The following IFT43 variants were observed in gnomAD, a reference collection of about 807,000 sequenced individuals.
IFT43 encodes intraflagellar transport protein 43 homolog.
A neutral mutation model predicts 32.3 loss-of-function variants in IFT43; 33 were observed. That is an observed-to-expected ratio of 1.02 (90% CI 0.77 to 1.37). IFT43 has a LOEUF of 1.37. IFT43 is among the 40% of genes most tolerant of loss of function. The pLI is 0.00. For synonymous variants in IFT43, 93 were observed against 98.2 expected (o/e 0.95, Z 0.31); for missense variants, 274 against 265.9 (o/e 1.03, Z -0.21).
chr14:76,052,960 A>G (rs140409326), intron 3 of IFT43, among the ~76,000 whole-genome samples: 35 of 152,250 alleles, frequency 2.3e-4, no homozygotes, highest in African/African-American at 7.7e-4. Flanking sequence ...AAATGCCCGC[A>G]TGTCTCCATG....
In IFT43 at chr14:76,083,306, A is replaced by C. The variant is rs748047299; in HGVS notation, c.507+17A>C. On this transcript the variant is annotated intron_variant, in intron 8 of 8. Transcript: ENST00000314067. Reference sequence around the variant, plus strand: ...GTCCGGGAGGTACAGTGGTGGCAGCAATTCCCCGGTCTCTCAGCTCTGGCA... The same window carrying C: ...GTCCGGGAGGTACAGTGGTGGCAGCCATTCCCCGGTCTCTCAGCTCTGGCA... The C allele has an allele frequency of 1.2e-6, 2 of 1,611,760 alleles. No individual in the cohort carries two copies. Among genetic ancestry groups the C allele is most frequent in the South Asian group, 2.2e-5 (2 of 91,044 alleles).
chr14:76,030,002 T>A (rs1024268722), intron 3 of IFT43, among the ~76,000 whole-genome samples: 6 of 151,864 alleles, frequency 4.0e-5, no homozygotes, highest in African/African-American at 1.5e-4. Flanking sequence ...TGCTTCAGCC[T>A]CCCCAGTAGC....
intron 5 of IFT43, among the ~76,000 whole-genome samples, chr14:76,069,937 C>G (rs1191640199): frequency 6.6e-6 from 1 of 152,186 alleles, no homozygotes; most frequent in Non-Finnish European, 1.5e-5. Context: ...ACCTCAGAAC[C>G]TTAGGAATAA....
intron 1 of IFT43, 38 bp from the exon 2 acceptor site, chr14:75,988,847 A>C (rs1330342207): frequency 6.2e-7 from 1 of 1,613,182 alleles, no homozygotes. Context: ...GGCCCAAATG[A>C]CATTTGGGTC....
chr14:76,014,231 C>T (rs2036140427), intron 2 of IFT43: 2 of 184,044 alleles, frequency 1.1e-5, no homozygotes, highest in Admixed American at 1.1e-4. Flanking sequence ...CATGTGCTAC[C>T]ACCTGGCATT....
At chr14:76,082,862 A>C (rs1018552721) in intron 7 of IFT43, among the ~76,000 whole-genome samples, 170 bp downstream of exon 7, 26 of 152,132 alleles carry the variant, frequency 1.7e-4, no homozygotes, top group Admixed American at 6.5e-5. Context: ...ATCTCACAGC[A>C]ACCCTGGACC....
rs189520933 is a variant in IFT43, at chr14:76,049,915, A to G, written c.216-8727A>G. Reference sequence around the variant, plus strand: ...GATCAATGTCAGTGTATGTATTTATAGAGTTGACACCAGTAATACCAACTT... The same window carrying G: ...GATCAATGTCAGTGTATGTATTTATGGAGTTGACACCAGTAATACCAACTT... On this transcript the variant is annotated intron_variant, in intron 3 of 8. Coordinates refer to ENST00000314067, the MANE Select transcript of IFT43 (RefSeq NM_001102564.3). 2.8e-3 allele frequency among the ~76,000 whole-genome samples: 423 copies of G among 152,284 alleles called. 2 individuals are homozygous for G. The highest frequency in any genetic ancestry group is 0.014 in the Middle Eastern group (4 of 294).
chr14:76,027,248 A>G (rs1234518189), intron 3 of IFT43, among the ~76,000 whole-genome samples: 1 of 152,162 alleles, frequency 6.6e-6, no homozygotes, highest in African/African-American at 2.4e-5. Context: ...AATTAAAAAA[A>G]ACCAAAATAC....
intron 2 of IFT43, among the ~76,000 whole-genome samples, chr14:76,012,355 C>T (rs1235964002): frequency 6.6e-6 from 1 of 152,216 alleles, no homozygotes; most frequent in Non-Finnish European, 1.5e-5. Context: ...GCCCTAAAGA[C>T]TCCCTCTGAC....
intron 3 of IFT43, among the ~76,000 whole-genome samples, chr14:76,051,780 A>G (rs183115180): frequency 5.9e-5 from 9 of 152,294 alleles, no homozygotes; most frequent in Admixed American, 5.2e-4. Flanking sequence ...TTTGGCATCA[A>G]CGTAGTTGGT....
At position 76,083,683 on chromosome 14, in the gene IFT43, T is replaced by A; in HGVS notation, c.*106T>A. 9.3e-7 allele frequency: 1 copy of A among 1,076,622 alleles called. No homozygotes were observed. The highest frequency in any genetic ancestry group is 1.6e-5 in the African/African-American group (1 of 63,946). 66.7% of individuals were successfully genotyped at this position (1,076,622 alleles called of 1,614,324 possible). A position where few individuals can be genotyped will look rare whatever the true frequency, so the allele number is the denominator to read the frequency against. Reference sequence around the variant, plus strand: ...CCTGGAATATTTTGTAATAAAAATATTTATATTCAGTCAACCACATTGGAT... The same window carrying A: ...CCTGGAATATTTTGTAATAAAAATAATTATATTCAGTCAACCACATTGGAT... On this transcript the variant is annotated 3_prime_UTR_variant, in exon 9 of 9. Transcript: ENST00000314067.
At chr14:76,080,892 C>CTAAATG (rs1225515840) in intron 5 of IFT43, among the ~76,000 whole-genome samples, 1 of 152,208 alleles carries the variant, frequency 6.6e-6, no homozygotes, top group Non-Finnish European at 1.5e-5. Flanking sequence ...ATAAGACTTG[C>CTAAATG]TAAATGTGGT....
chr14:76,037,803 T>C (rs1222353577), intron 3 of IFT43, among the ~76,000 whole-genome samples: 1 of 152,164 alleles, frequency 6.6e-6, no homozygotes, highest in Non-Finnish European at 1.5e-5. Flanking sequence ...TATTTGTCTA[T>C]TTTGTTTGCA....
chr14:75,993,886 G>A (rs910527377), intron 2 of IFT43, among the ~76,000 whole-genome samples: 8 of 152,162 alleles, frequency 5.3e-5, no homozygotes, highest in Admixed American at 5.2e-4. Flanking sequence ...CAGGAAAACA[G>A]TAGCCAGAGT....
intron 3 of IFT43, among the ~76,000 whole-genome samples, chr14:76,028,173 G>T (rs755436739): frequency 9.2e-5 from 14 of 152,122 alleles, no homozygotes; most frequent in Non-Finnish European, 1.3e-4. Context: ...GGTCTAGGTG[G>T]TGACCACTAG....
At chr14:76,054,008 C>T (rs2036963804) in intron 3 of IFT43, among the ~76,000 whole-genome samples, 1 of 152,180 alleles carries the variant, frequency 6.6e-6, no homozygotes, top group South Asian at 2.1e-4. Context: ...TTCATTAATG[C>T]TTCCGTTAGA....
intron 5 of IFT43, among the ~76,000 whole-genome samples, chr14:76,062,333 G>T (rs189007211): frequency 1.3e-5 from 2 of 151,962 alleles, no homozygotes; most frequent in Non-Finnish European, 2.9e-5. Flanking sequence ...GCCTCCCAAA[G>T]TGCTGGGATT....
chr14:76,049,457 GTT>G (rs11326962), intron 3 of IFT43, among the ~76,000 whole-genome samples: 49,997 of 148,424 alleles, frequency 0.34, 8,394 homozygotes, highest in African/African-American at 0.35. Flanking sequence ...AAAGCTGTGT[GTT>G]TTTTTTTTTT....
At chr14:76,051,428 G>C (rs773319405) in intron 3 of IFT43, among the ~76,000 whole-genome samples, 2 of 151,908 alleles carry the variant, frequency 1.3e-5, no homozygotes, top group Admixed American at 1.3e-4. Flanking sequence ...CCAGTGTACC[G>C]CCTGGGATTG....
Sources: allele counts gnomAD v4.1 joint callset (sites outside exome capture counted in the v4.1 genomes callset), GRCh38; gene constraint gnomAD v4.1.1; transcripts MANE v1.5; gene names NCBI Gene and HGNC (gene_info 2026-07-23, HGNC 2026-07-21).